The following TPRG1L variants were observed in gnomAD, a reference collection of about 807,000 sequenced individuals.
The protein encoded by TPRG1L is tumor protein p63-regulated gene 1-like protein.
A neutral mutation model predicts 29.4 loss-of-function variants in TPRG1L; 25 were observed. The observed-to-expected ratio is 0.85, with a 90% CI of 0.62 to 1.19. The LOEUF is 1.19. TPRG1L is among the 50% of genes most tolerant of loss of function. The probability of loss-of-function intolerance (pLI) is 0.00; values close to 1 mark genes in which losing one functional copy is unlikely to be tolerated. For synonymous variants in TPRG1L, 182 were observed against 151.1 expected, an observed-to-expected ratio of 1.20 and a Z score of -1.50; for missense variants, 354 against 364.4, an observed-to-expected ratio of 0.97 and a Z score of 0.23.
Position 3,629,939 on chromosome 1 carries a change from C to T in TPRG1L, c.*1336C>T, listed in dbSNP as rs1012076621. ...AGCTTCACGCACTGGCTTGCCAGTT[C>T]TTCAGCTCTAGGACTTGTAGCTTTA... On this transcript the variant is annotated 3_prime_UTR_variant, in exon 5 of 5. Coordinates refer to ENST00000378344, the MANE Select transcript of TPRG1L (RefSeq NM_182752.4). 5 of 152,284 alleles carry T rather than the reference C, an allele frequency of 3.3e-5. No individual in the cohort carries two copies. Among genetic ancestry groups the T allele is most frequent in the Non-Finnish European group, 5.9e-5 (4 of 68,070 alleles). 9.4% of individuals were successfully genotyped at this position (152,284 alleles called of 1,614,324 possible). A position where few individuals can be genotyped will look rare whatever the true frequency, so the allele number is the denominator to read the frequency against.
intron 1 of TPRG1L, 24 bp downstream of exon 1, chr1:3,625,297 G>A: frequency 7.0e-7 from 1 of 1,433,278 alleles, no homozygotes; most frequent in Non-Finnish European, 9.1e-7. Flanking sequence ...CAGGGCCGGG[G>A]CGGGGGCCGA....
At position 3,628,704 on chromosome 1, in the gene TPRG1L, T is replaced by C; in HGVS notation, c.*101T>C. The C allele has an allele frequency of 8.6e-7, 1 of 1,158,730 alleles. No homozygotes were observed. 71.8% of individuals were successfully genotyped at this position (1,158,730 alleles called of 1,614,324 possible). On this transcript the variant is annotated 3_prime_UTR_variant, in exon 5 of 5. Transcript: ENST00000378344. ...GGGGGACTGGGAGGCCTGGCAGTCT[T>C]CATGCTGCCCTGCTGCTGCTGGAAG...
Position 3,625,866 on chromosome 1 carries a change from G to GT in TPRG1L, c.450dup (p.Pro151SerfsTer3), listed in dbSNP as rs1644484264. ...ACACCATTTCCTACGGAGAATTCCA[G>GT]TTTCCCCCTAAATCGCTCAACAAGT... On this transcript the variant is annotated frameshift_variant, in exon 3 of 5. Transcript: ENST00000378344. LOFTEE classifies it high-confidence loss of function. The GT allele has an allele frequency of 6.2e-7, 1 of 1,612,296 alleles. No individual in the cohort carries two copies.
rs569965835 is a variant in TPRG1L, at chr1:3,625,223, A to T, written c.151A>T (p.Ile51Phe). ...PLRQTLWPLS[I>F]HDPTRRARVK... ...GCGCCAGACACTCTGGCCTCTCAGC[A>T]TCCACGACCCCACGCGCCGCGCCCG... Residue 51 changes from isoleucine (I) to phenylalanine (F), a missense_variant, in exon 1 of 5, where the codon ATC (isoleucine) becomes TTC (phenylalanine). By Grantham distance (21) the Ile-to-Phe change is conservative. Coordinates refer to ENST00000378344, the MANE Select transcript of TPRG1L (RefSeq NM_182752.4). 1 of 1,355,666 alleles carries T rather than the reference A, an allele frequency of 7.4e-7. No individual in the cohort carries two copies. Among genetic ancestry groups the T allele is most frequent in the African/African-American group, 1.6e-5 (1 of 64,176 alleles). 84.0% of individuals were successfully genotyped at this position (1,355,666 alleles called of 1,614,324 possible).
At chr1:3,628,274 C>T in intron 4 of TPRG1L, 135 bp from the exon 5 acceptor site, 2 of 726,902 alleles carry the variant, frequency 2.8e-6, no homozygotes, top group South Asian at 2.0e-5. Flanking sequence ...GCAGAGGCAG[C>T]CCTTTCAAGT....
rs1362338745 is a variant in TPRG1L at position 3,625,167 on chromosome 1, G to A, written c.95G>A (p.Gly32Asp). ...GAGGTGGGGGCAGGCGGCGGCCCGG[G>A]CGGGGGGCGGCCGGGGGCGGGGACG... ...GEEVGAGGGP[G>D]GGRPGAGTPL... The change falls in exon 1 of 5, where the codon GGC (glycine) becomes GAC (aspartate). Residue 32 changes from glycine to aspartate, a missense_variant. Transcript: ENST00000378344. 4.8e-6 allele frequency: 6 copies of A among 1,243,136 alleles called. No homozygotes were observed. The South Asian group carries it at 1.1e-4, about 22-fold the overall frequency. The allele number at this position is 1,243,136 out of a possible 1,614,324, so 77.0% of individuals were successfully genotyped here. A position where few individuals can be genotyped will look rare whatever the true frequency, so the allele number is the denominator to read the frequency against.
chr1:3,626,585 CTTTT>C (rs112397153), intron 3 of TPRG1L, among the ~76,000 whole-genome samples: 1 of 138,014 alleles, frequency 7.2e-6, no homozygotes, highest in Admixed American at 7.3e-5. Context: ...TAATTATTCC[CTTTT>C]TTTTTTTTTT....
Position 3,625,099 on chromosome 1 carries a change from C to G in TPRG1L, c.27C>G (p.Asp9Glu). The G allele has an allele frequency of 3.3e-6, 4 of 1,218,014 alleles. No individual in the cohort carries two copies. The South Asian group carries it at 1.2e-4, about 37-fold the overall frequency. The allele number at this position is 1,218,014 out of a possible 1,614,324, so 75.5% of individuals were successfully genotyped here. The change falls in exon 1 of 5, where the codon GAC (aspartate) becomes GAG (glutamate). Residue 9 changes from aspartate to glutamate, a missense_variant. Asp to Glu is a conservative substitution (Grantham distance 45, BLOSUM62 2). Coordinates refer to ENST00000378344, the MANE Select transcript of TPRG1L (RefSeq NM_182752.4). MLQLRDSVDSAGTSPTAVL... is the reference protein window; with the variant it reads MLQLRDSVESAGTSPTAVL... Reference sequence around the variant, plus strand: ...TGCTGCAACTGCGGGACTCGGTGGACTCGGCCGGTACGAGCCCCACGGCGG... The same window carrying G: ...TGCTGCAACTGCGGGACTCGGTGGAGTCGGCCGGTACGAGCCCCACGGCGG...
In TPRG1L at chr1:3,625,726, A is replaced by C; in HGVS notation, c.307A>C (p.Asn103His). ...VWLLTEVDHW[N>H]NEKERLVLVT... ...CTCTGCCTACAGGGTGGATCACTGG[A>C]ACAATGAGAAGGAGCGGCTGGTGCT... Residue 103 changes from asparagine (N) to histidine (H), a missense_variant, in exon 3 of 5, where the codon AAC becomes CAC. By Grantham distance (68) the Asn-to-His change is moderately conservative. Transcript: ENST00000378344. 4 of 1,612,834 alleles carry C rather than the reference A, an allele frequency of 2.5e-6. No individual in the cohort carries two copies. The highest frequency in any genetic ancestry group is 3.4e-6 in the Non-Finnish European group (4 of 1,179,488).
At position 3,626,817 on chromosome 1, in the gene TPRG1L, G is replaced by T. The variant is rs1326153629; in HGVS notation, c.471-683G>T. Among the ~76,000 whole-genome samples the T allele has an allele frequency of 2.0e-5, 3 of 152,058 alleles. No homozygotes were observed. The East Asian group carries it at 5.8e-4, about 29-fold the overall frequency. On this transcript the variant is annotated intron_variant, in intron 3 of 4. Transcript: ENST00000378344. The stretch of plus-strand genomic sequence containing the variant: ...TGTTCTCAAACTCCTGGGCTCAAGA[G>T]ATCCGCCCATTTTGGCCTCCCAAAG...
chr1:3,628,970 T>C lies in TPRG1L; in HGVS notation c.*367T>C. On this transcript the variant is annotated 3_prime_UTR_variant, in exon 5 of 5. Transcript: ENST00000378344. ...CAGCTGCCCCAGCACGCGGGACCCATAGCACACCCCTTAGCGCTTGCCTAG... is the reference window on the plus strand; with the variant it reads ...CAGCTGCCCCAGCACGCGGGACCCACAGCACACCCCTTAGCGCTTGCCTAG... 5.4e-6 allele frequency: 1 copy of C among 184,164 alleles called. No individual in the cohort carries two copies. Among genetic ancestry groups the C allele is most frequent in the Non-Finnish European group, 1.1e-5 (1 of 88,198 alleles). 11.4% of individuals were successfully genotyped at this position (184,164 alleles called of 1,614,324 possible).
rs1188632995 is a variant in TPRG1L at position 3,625,031 on chromosome 1, G to A, written c.-42G>A. ...GGTGGCGGTGGCTGCGGCGACGGCG[G>A]TCGCGTCGGCGTCAGGGTCGGGGTC... is the stretch of plus-strand genomic sequence containing the variant. On this transcript the variant is annotated 5_prime_UTR_variant, in exon 1 of 5. Transcript: ENST00000378344. 2.5e-6 allele frequency: 3 copies of A among 1,189,358 alleles called. No homozygotes were observed. Among genetic ancestry groups the A allele is most frequent in the Non-Finnish European group, 3.1e-6 (3 of 952,448 alleles). The allele number at this position is 1,189,358 out of a possible 1,614,324, so 73.7% of individuals were successfully genotyped here. A position where few individuals can be genotyped will look rare whatever the true frequency, so the allele number is the denominator to read the frequency against.
At position 3,625,767 on chromosome 1, in the gene TPRG1L, C is replaced by G. The variant is rs369907457; in HGVS notation, c.348C>G (p.Ser116=). The G allele has an allele frequency of 2.0e-5, 33 of 1,613,614 alleles. No individual in the cohort carries two copies. In the Middle Eastern group the frequency reaches 8.3e-4, roughly 41 times the overall value. The change falls in exon 3 of 5, where the codon TCC becomes TCG. Residue 116 remains serine (S), a synonymous_variant. Transcript: ENST00000378344. ...KERLVLVTEQ[S]LLICKYDFIS... ...GGCTGGTGCTGGTCACGGAGCAGTC[C>G]CTGCTTATCTGTAAATACGACTTCA...
At position 3,628,692 on chromosome 1, in the gene TPRG1L, G is replaced by C; in HGVS notation, c.*89G>C. On this transcript the variant is annotated 3_prime_UTR_variant, in exon 5 of 5. Transcript: ENST00000378344. ...GATGTGGGGGCTGGGGGACTGGGAG[G>C]CCTGGCAGTCTTCATGCTGCCCTGC... 7.4e-7 allele frequency: 1 copy of C among 1,352,790 alleles called. No individual in the cohort carries two copies. Among genetic ancestry groups the C allele is most frequent in the South Asian group, 1.4e-5 (1 of 69,858 alleles). 83.8% of individuals were successfully genotyped at this position (1,352,790 alleles called of 1,614,324 possible).
At chr1:3,625,944 C>A in intron 3 of TPRG1L, 55 bp downstream of exon 3, 3 of 1,506,200 alleles carry the variant, frequency 2.0e-6, no homozygotes, top group Non-Finnish European at 2.7e-6. Context: ...GTGGACCTTA[C>A]AATTCAGCCC....
chr1:3,626,327 A>G (rs1644488697), intron 3 of TPRG1L, among the ~76,000 whole-genome samples: 1 of 152,178 alleles, frequency 6.6e-6, no homozygotes, highest in African/African-American at 2.4e-5. Context: ...CTAAAAGACA[A>G]ATTTGGAAAT....
In TPRG1L at chr1:3,625,186, G is replaced by C; in HGVS notation, c.114G>C (p.Ala38=). 2 of 1,248,160 alleles carry C rather than the reference G, an allele frequency of 1.6e-6. No individual in the cohort carries two copies. The highest frequency in any genetic ancestry group is 2.0e-6 in the Non-Finnish European group (2 of 995,404). The allele number at this position is 1,248,160 out of a possible 1,614,324, so 77.3% of individuals were successfully genotyped here. Residue 38 remains alanine (A), a synonymous_variant, in exon 1 of 5, where the codon GCG becomes GCC. Coordinates refer to ENST00000378344, the MANE Select transcript of TPRG1L (RefSeq NM_182752.4). ...GCCCGGGCGGGGGGCGGCCGGGGGC[G>C]GGGACGCCGCTGCGCCAGACACTCT... is the stretch of plus-strand genomic sequence containing the variant. ...GGGPGGGRPG[A]GTPLRQTLWP... is the part of the protein sequence containing the mutation.
chr1:3,626,523 T>G (rs1405048427), intron 3 of TPRG1L, among the ~76,000 whole-genome samples: 1 of 151,528 alleles, frequency 6.6e-6, no homozygotes, highest in African/African-American at 2.4e-5. Flanking sequence ...TAATATGACA[T>G]AAGGAAAAGG....
At position 3,625,267 on chromosome 1, in the gene TPRG1L, G is replaced by A. The variant is rs929636991; in HGVS notation, c.195G>A (p.Val65=). ...GCGCCCGCGTCAAGGAGTACTTCGT[G>A]TTCCGGGTGAGGCAGGGGCCAGGGC... is the stretch of plus-strand genomic sequence containing the variant. ...TRRARVKEYF[V]FRPGSIEQAV... The change falls in exon 1 of 5, where the codon GTG becomes GTA. Residue 65 remains valine, a synonymous_variant. Transcript: ENST00000378344. 7.2e-7 allele frequency: 1 copy of A among 1,392,272 alleles called. No homozygotes were observed. The highest frequency in any genetic ancestry group is 9.2e-7 in the Non-Finnish European group (1 of 1,081,620). 86.2% of individuals were successfully genotyped at this position (1,392,272 alleles called of 1,614,324 possible). A position where few individuals can be genotyped will look rare whatever the true frequency, so the allele number is the denominator to read the frequency against.
Sources: gnomAD v4.1 joint callset for allele counts (sites outside exome capture counted in the v4.1 genomes callset) on GRCh38, gnomAD v4.1.1 for gene constraint, MANE v1.5 for transcripts, NCBI Gene and HGNC (gene_info 2026-07-23, HGNC 2026-07-21) for gene names.